TTC22: variants seen among roughly 807,000 people sequenced by gnomAD.
TTC22 encodes the protein tetratricopeptide repeat domain 22.
In TTC22, 42 loss-of-function variants were observed where a neutral mutation model predicts 48.2. The observed-to-expected ratio is 0.87, with a 90% confidence interval of 0.68 to 1.13. TTC22 has a LOEUF of 1.13. Ranked by LOEUF, TTC22 falls within the 50% of genes most tolerant of loss-of-function variation. TTC22 has a pLI of 0.00. For synonymous variants in TTC22, 345 were observed against 365.5 expected (o/e 0.94, Z 0.64); for missense variants, 784 against 807.0 (o/e 0.97, Z 0.34).
At chr1:54,789,489 G>A (rs930897854) in intron 1 of TTC22, among the ~76,000 whole-genome samples, 1 of 152,216 alleles carries the variant, frequency 6.6e-6, no homozygotes, top group Non-Finnish European at 1.5e-5. Flanking sequence ...AACCTTGGAT[G>A]AATTTGAAGG....
chr1:54,783,998 T>C lies in TTC22; in HGVS notation c.1021-1521A>G, dbSNP rs557789243. On this transcript the variant is annotated intron_variant, in intron 5 of 6. Coordinates refer to ENST00000371276, the MANE Select transcript of TTC22 (RefSeq NM_001114108.2). ...GCCTGGGTGACAGAGTGAGACCTTATCTCTAAAATAATTTTAAAAATAAAT... is the reference window on the plus strand; with the variant it reads ...GCCTGGGTGACAGAGTGAGACCTTACCTCTAAAATAATTTTAAAAATAAAT... Among the ~76,000 whole-genome samples the C allele has an allele frequency of 6.5e-4, 99 of 152,292 alleles. 1 individual carries two copies. Among genetic ancestry groups the C allele is most frequent in the African/African-American group, 2.3e-3 (97 of 41,560 alleles).
In TTC22 at chr1:54,801,224, T is replaced by TG. The variant is rs1021527081; in HGVS notation, c.-62dup. 5 of 1,534,190 alleles carry TG rather than the reference T, an allele frequency of 3.3e-6. No individual in the cohort carries two copies. The highest frequency in any genetic ancestry group is 4.4e-6 in the Non-Finnish European group (5 of 1,127,102). ...CCCTGAGGCTGTGGAGGGCAGTGGA[T>TG]GGGGGCGTTCCCCGAGCGAGCTCCG... On this transcript the variant is annotated 5_prime_UTR_variant, in exon 1 of 7. Coordinates refer to ENST00000371276, the MANE Select transcript of TTC22 (RefSeq NM_001114108.2).
In TTC22 at chr1:54,801,028, G is replaced by A. The variant is rs1646433030; in HGVS notation, c.136C>T (p.Leu46=). The change falls in exon 1 of 7, where the codon CTG becomes TTG. Residue 46 remains leucine (L), a synonymous_variant. Coordinates refer to ENST00000371276, the MANE Select transcript of TTC22 (RefSeq NM_001114108.2). ...RSPAPQRARD[L]KLQREGLRQE... ...CGCAGACCCTCCCGCTGCAGCTTCA[G>A]GTCCCGGGCGCGCTGTGGGGCCGGC... The A allele has an allele frequency of 6.2e-7, 1 of 1,611,428 alleles. No individual in the cohort carries two copies. The highest frequency in any genetic ancestry group is 1.3e-5 in the African/African-American group (1 of 74,904).
intron 4 of TTC22, 27 bp downstream of exon 4, chr1:54,786,930 A>G: frequency 8.2e-7 from 1 of 1,225,954 alleles, no homozygotes; most frequent in Non-Finnish European, 1.1e-6. Context: ...CTCAGTTTAG[A>G]GGGTGGGTGT....
chr1:54,785,779 C>A, intron 5 of TTC22: 1 of 559,996 alleles, frequency 1.8e-6, no homozygotes, highest in South Asian at 2.1e-5. Flanking sequence ...CACCACCATA[C>A]TCCAGTTGGG....
In TTC22 at chr1:54,781,466, T is replaced by G. The variant is rs1225505761; in HGVS notation, c.1487A>C (p.Glu496Ala). ...AQLSDGELGR[E>A]VDAWLRRAQD... ...GGCGCGGCGCAGCCAGGCGTCCACC[T>G]CGCGGCCCAGCTCCCCGTCGCTCAG... Residue 496 changes from glutamate (E) to alanine (A), a missense_variant, in exon 7 of 7, where the codon GAG (glutamate) becomes GCG (alanine). Transcript: ENST00000371276. The G allele has an allele frequency of 3.4e-6, 5 of 1,461,374 alleles. No homozygotes were observed. The African/African-American group carries it at 7.4e-5, about 22-fold the overall frequency. 90.5% of individuals were successfully genotyped at this position (1,461,374 alleles called of 1,614,324 possible).
At position 54,800,605 on chromosome 1, in the gene TTC22, C is replaced by G; in HGVS notation, c.559G>C (p.Gly187Arg). ...AGACAGGGGTCACCTACCTGCTGCC[C>G]GTAGCCTAGCGCCTTGTCGTAGAGC... Reference protein sequence around the residue: ...IALYDKALGYGQQIPMEEKRG... With the variant: ...IALYDKALGYRQQIPMEEKRG... Residue 187 changes from glycine (G) to arginine (R), a missense_variant, in exon 1 of 7, where the codon GGG becomes CGG. By Grantham distance (125) the Gly-to-Arg change is moderately radical (BLOSUM62 -2). Transcript: ENST00000371276. 2.0e-6 allele frequency: 3 copies of G among 1,527,230 alleles called. No homozygotes were observed. Among genetic ancestry groups the G allele is most frequent in the Non-Finnish European group, 2.6e-6 (3 of 1,150,180 alleles). 94.6% of individuals were successfully genotyped at this position (1,527,230 alleles called of 1,614,324 possible).
chr1:54,781,255 A>G lies in TTC22; in HGVS notation c.1698T>C (p.Ala566=). Residue 566 remains alanine, a synonymous_variant, in exon 7 of 7, where the codon GCT becomes GCC. Coordinates refer to ENST00000371276, the MANE Select transcript of TTC22 (RefSeq NM_001114108.2). The part of the protein sequence containing the change: ...EGASAPRDRR[A]VSF ...GGGCACCTGAGCCCTAGAATGAGAC[A>G]GCCCGGCGGTCCCGCGGCGCGCTGG... 6.8e-7 allele frequency: 1 copy of G among 1,471,344 alleles called. No individual in the cohort carries two copies. Among genetic ancestry groups the G allele is most frequent in the Non-Finnish European group, 8.9e-7 (1 of 1,119,482 alleles). 91.1% of individuals were successfully genotyped at this position (1,471,344 alleles called of 1,614,324 possible). A position where few individuals can be genotyped will look rare whatever the true frequency, so the allele number is the denominator to read the frequency against.
chr1:54,781,284 C>T lies in TTC22; in HGVS notation c.1669G>A (p.Gly557Ser). The T allele has an allele frequency of 1.0e-5, 15 of 1,478,278 alleles. No individual in the cohort carries two copies. The highest frequency in any genetic ancestry group is 1.3e-5 in the Non-Finnish European group (15 of 1,122,904). The allele number at this position is 1,478,278 out of a possible 1,614,324, so 91.6% of individuals were successfully genotyped here. A position where few individuals can be genotyped will look rare whatever the true frequency, so the allele number is the denominator to read the frequency against. The change falls in exon 7 of 7, where the codon GGC becomes AGC. Residue 557 changes from glycine (G) to serine (S), a missense_variant. Physicochemically the swap from Gly to Ser is moderately conservative, Grantham distance 56. Coordinates refer to ENST00000371276, the MANE Select transcript of TTC22 (RefSeq NM_001114108.2). ...LFETMEREGEGASAPRDRRAV... is the reference protein window; with the variant it reads ...LFETMEREGESASAPRDRRAV... ...CGGCGGTCCCGCGGCGCGCTGGCGC[C>T]CTCGCCCTCGCGCTCCATGGTCTCG...
Position 54,787,750 on chromosome 1 carries a change from G to A in TTC22, c.700C>T (p.Leu234Phe). The A allele has an allele frequency of 1.2e-6, 2 of 1,613,600 alleles. No individual in the cohort carries two copies. The highest frequency in any genetic ancestry group is 1.7e-6 in the Non-Finnish European group (2 of 1,179,820). The change falls in exon 3 of 7, where the codon CTC becomes TTC. Residue 234 changes from leucine to phenylalanine, a missense_variant. Transcript: ENST00000371276. ...LPAFNRTLAL[L>F]RQVLKSEDPR... ...TCCTCGGACTTCAGCACTTGCCGGA[G>A]TAGGGCCAGCGTGCGGTTGAAGGCA...
Position 54,781,364 on chromosome 1 carries a change from C to G in TTC22, c.1589G>C (p.Gly530Ala). The change falls in exon 7 of 7, where the codon GGG becomes GCG. Residue 530 changes from glycine (G) to alanine (A), a missense_variant. Coordinates refer to ENST00000371276, the MANE Select transcript of TTC22 (RefSeq NM_001114108.2). ...VWRGHTDEVL[G>A]LARALVAQGR... ...CTGGGCCACCAGGGCCCGGGCCAGC[C>G]CCAACACCTCGTCCGTGTGCCCGCG... 1 of 1,396,336 alleles carries G rather than the reference C, an allele frequency of 7.2e-7. No individual in the cohort carries two copies. The highest frequency in any genetic ancestry group is 9.2e-7 in the Non-Finnish European group (1 of 1,087,312). 86.5% of individuals were successfully genotyped at this position (1,396,336 alleles called of 1,614,324 possible).
At chr1:54,785,336 G>T in intron 5 of TTC22, 1 of 289,628 alleles carries the variant, frequency 3.5e-6, no homozygotes, top group Non-Finnish European at 6.8e-6. Flanking sequence ...TTACAGATTT[G>T]GGAACTGAAG....
chr1:54,800,589 T>TC lies in TTC22; in HGVS notation c.567+7dup. On this transcript the variant is annotated splice_region_variant and intron_variant, in intron 1 of 6. Transcript: ENST00000371276. ...CCAGAGGGAGGTAGGGAGACAGGGG[T>TC]CACCTACCTGCTGCCCGTAGCCTAG... 1 of 1,494,460 alleles carries TC rather than the reference T, an allele frequency of 6.7e-7. No homozygotes were observed. The highest frequency in any genetic ancestry group is 8.8e-7 in the Non-Finnish European group (1 of 1,134,606). 92.6% of individuals were successfully genotyped at this position (1,494,460 alleles called of 1,614,324 possible). A position where few individuals can be genotyped will look rare whatever the true frequency, so the allele number is the denominator to read the frequency against.
intron 1 of TTC22, among the ~76,000 whole-genome samples, chr1:54,788,897 G>A (rs1413845160): frequency 2.6e-5 from 4 of 152,166 alleles, no homozygotes; most frequent in Admixed American, 6.5e-5. Flanking sequence ...TGGGAATGTG[G>A]CACTGAATGG....
At chr1:54,783,748 T>C (rs190916446) in intron 5 of TTC22, among the ~76,000 whole-genome samples, 2 of 152,304 alleles carry the variant, frequency 1.3e-5, no homozygotes, top group Admixed American at 1.3e-4. Flanking sequence ...CCTAGCACTT[T>C]GGGAGGCTGC....
intron 1 of TTC22, among the ~76,000 whole-genome samples, chr1:54,791,980 A>G (rs1175715894): frequency 6.6e-6 from 1 of 151,712 alleles, no homozygotes; most frequent in Non-Finnish European, 1.5e-5. Flanking sequence ...CACACTAGTT[A>G]GCATCAGAGC....
Position 54,795,765 on chromosome 1 carries a change from G to A in TTC22, c.567+4832C>T, listed in dbSNP as rs142737175. Among the ~76,000 whole-genome samples the A allele has an allele frequency of 2.5e-4, 38 of 152,328 alleles. No homozygotes were observed. The East Asian group carries it at 4.2e-3, about 17-fold the overall frequency. On this transcript the variant is annotated intron_variant, in intron 1 of 6. Coordinates refer to ENST00000371276, the MANE Select transcript of TTC22 (RefSeq NM_001114108.2). ...CTCTCTGGGCTTCTGTATCTATGAG[G>A]AGGAGGGTACCCAGCTCTCAAACTT...
chr1:54,797,816 G>A (rs1646404292), intron 1 of TTC22, among the ~76,000 whole-genome samples: 1 of 152,158 alleles, frequency 6.6e-6, no homozygotes, highest in African/African-American at 2.4e-5. Context: ...TAGCAGATGA[G>A]CAGCTGTTCA....
Position 54,800,741 on chromosome 1 carries a change from G to T in TTC22, c.423C>A (p.Asp141Glu). The T allele has an allele frequency of 6.5e-7, 1 of 1,545,450 alleles. No individual in the cohort carries two copies. ...GGCAGCGAGCGGCGCGGAGCTGGGG[G>T]TCCCCGGCGGCCTCGGGCTCCTCTG... is the stretch of plus-strand genomic sequence containing the variant. ...GLAEEPEAAG[D>E]PQLRAARCLA... The change falls in exon 1 of 7, where the codon GAC becomes GAA. Residue 141 changes from aspartate to glutamate, a missense_variant. By Grantham distance (45) the Asp-to-Glu change is conservative. Coordinates refer to ENST00000371276, the MANE Select transcript of TTC22 (RefSeq NM_001114108.2).
Sources: allele counts gnomAD v4.1 joint callset (sites outside exome capture counted in the v4.1 genomes callset), GRCh38; gene constraint gnomAD v4.1.1; transcripts MANE v1.5; gene names NCBI Gene and HGNC (gene_info 2026-07-23, HGNC 2026-07-21).